FAM222A: variants seen among roughly 807,000 people sequenced by gnomAD.
The protein encoded by FAM222A is family with sequence similarity 222 member A, also known as protein FAM222A.
FAM222A carries 7 observed loss-of-function variants against 25.8 expected under a neutral mutation model. That is an observed-to-expected ratio of 0.27 (90% CI 0.15 to 0.51). FAM222A has a LOEUF of 0.51. Ranked by LOEUF, FAM222A falls within the 20% of genes least tolerant of loss-of-function variation. The pLI, the probability that FAM222A is intolerant of heterozygous loss-of-function variation, is 0.97. For missense variants in FAM222A, 573 were observed against 640.5 expected (o/e 0.89, Z 1.14); for synonymous variants, 294 against 298.8 (o/e 0.98, Z 0.17).
At chr12:109,732,505 G>A (rs1232209680) in intron 1 of FAM222A, among the ~76,000 whole-genome samples, 3 of 152,250 alleles carry the variant, frequency 2.0e-5, no homozygotes, top group Non-Finnish European at 4.4e-5. Context: ...CGGAGCAGCC[G>A]TTGTTCTGCA....
chr12:109,761,199 G>A (rs995157529), intron 2 of FAM222A, among the ~76,000 whole-genome samples: 5 of 152,200 alleles, frequency 3.3e-5, no homozygotes, highest in Non-Finnish European at 5.9e-5. Flanking sequence ...CAGAGTCCAC[G>A]AATTCCACCT....
chr12:109,755,051 C>T (rs1888680027), intron 2 of FAM222A, among the ~76,000 whole-genome samples: 1 of 152,162 alleles, frequency 6.6e-6, no homozygotes, highest in African/African-American at 2.4e-5. Flanking sequence ...AGTCCCATAT[C>T]AGGTGCATGA....
chr12:109,717,456 A>T (rs576252948), intron 1 of FAM222A, among the ~76,000 whole-genome samples: 1 of 152,342 alleles, frequency 6.6e-6, no homozygotes, highest in African/African-American at 2.4e-5. Context: ...CCTGAGGGTC[A>T]AAAAGCCCTA....
chr12:109,768,739 T>A lies in FAM222A; in HGVS notation c.810T>A (p.Ala270=). Reference sequence around the variant, plus strand: ...GAGCCACCCAAGCCTTGACGTTGGCTGGGGCCGCCAAGCCTGCAGGGTACG... The same window carrying A: ...GAGCCACCCAAGCCTTGACGTTGGCAGGGGCCGCCAAGCCTGCAGGGTACG... ...GQGATQALTL[A]GAAKPAGYAD... The change falls in exon 3 of 3, where the codon GCT becomes GCA. Residue 270 remains alanine (A), a synonymous_variant. Transcript: ENST00000538780. The A allele has an allele frequency of 6.3e-7, 1 of 1,578,500 alleles. No individual in the cohort carries two copies. The highest frequency in any genetic ancestry group is 1.1e-5 in the South Asian group (1 of 88,576).
chr12:109,760,502 A>C (rs535067545), intron 2 of FAM222A, among the ~76,000 whole-genome samples: 1 of 152,262 alleles, frequency 6.6e-6, no homozygotes, highest in South Asian at 2.1e-4. Flanking sequence ...CAGTGGTCTC[A>C]AACTGGCAGC....
chr12:109,719,209 C>T (rs1366449743), intron 1 of FAM222A, among the ~76,000 whole-genome samples: 4 of 152,210 alleles, frequency 2.6e-5, no homozygotes, highest in African/African-American at 7.2e-5. Flanking sequence ...CCAGAGTTTA[C>T]GTCATAACCC....
At chr12:109,723,740 C>T (rs949830311) in intron 1 of FAM222A, among the ~76,000 whole-genome samples, 2 of 152,238 alleles carry the variant, frequency 1.3e-5, no homozygotes, top group Non-Finnish European at 2.9e-5. Context: ...GCCCCAAGCC[C>T]AGAGCAGGTT....
At position 109,729,868 on chromosome 12, in the gene FAM222A, T is replaced by C. The variant is rs1456475943; in HGVS notation, c.-46-14233T>C. On this transcript the variant is annotated intron_variant, in intron 1 of 2. Transcript: ENST00000538780. ...AATTCATTGTGTGCCAAAATGCCAC[T>C]GCACCAATCTGTGAGGCAGATATAT... 2.6e-5 allele frequency among the ~76,000 whole-genome samples: 4 copies of C among 152,382 alleles called. No homozygotes were observed. The East Asian group carries it at 5.8e-4, about 22-fold the overall frequency.
At chr12:109,748,334 C>CTTTT (rs61492433) in intron 2 of FAM222A, among the ~76,000 whole-genome samples, 35 of 81,596 alleles carry the variant, frequency 4.3e-4, no homozygotes, top group Middle Eastern at 7.7e-3. Flanking sequence ...GGTTTTCTTT[C>CTTTT]TTTTTTTTTT....
chr12:109,723,977 C>G (rs1458989361), intron 1 of FAM222A, among the ~76,000 whole-genome samples: 1 of 152,002 alleles, frequency 6.6e-6, no homozygotes, highest in Non-Finnish European at 1.5e-5. Context: ...CCACAAACTA[C>G]AAAAGAAACA....
chr12:109,726,947 G>A (rs189298421), intron 1 of FAM222A, among the ~76,000 whole-genome samples: 7 of 152,184 alleles, frequency 4.6e-5, no homozygotes, highest in Non-Finnish European at 8.8e-5. Context: ...GTGTGCTATC[G>A]TCATGGTCCC....
At chr12:109,764,097 G>A (rs1888972447) in intron 2 of FAM222A, among the ~76,000 whole-genome samples, 1 of 151,980 alleles carries the variant, frequency 6.6e-6, no homozygotes, top group South Asian at 2.1e-4. Context: ...AGGTGTAGTG[G>A]CACACCCTTG....
At chr12:109,751,139 GT>G (rs2136358341) in intron 2 of FAM222A, among the ~76,000 whole-genome samples, 1 of 152,008 alleles carries the variant, frequency 6.6e-6, no homozygotes, top group South Asian at 2.1e-4. Context: ...CTCATTTTAT[GT>G]TGCTCACTTT....
Position 109,768,313 on chromosome 12 carries a change from C to T in FAM222A, c.384C>T (p.Ser128=), listed in dbSNP as rs751312956. 12 of 1,605,012 alleles carry T rather than the reference C, an allele frequency of 7.5e-6. No individual in the cohort carries two copies. The highest frequency in any genetic ancestry group is 6.7e-5 in the African/African-American group (5 of 74,786). The change falls in exon 3 of 3, where the codon AGC becomes AGT. Residue 128 remains serine (S), a synonymous_variant. Transcript: ENST00000538780. The stretch of plus-strand genomic sequence containing the variant: ...GGCCCGCCAAAAGTGTGCTCAAGAG[C>T]GCCGAGGGCAAGCGGACCAAGCTGT... ...PAGPAKSVLK[S]AEGKRTKLSP...
intron 2 of FAM222A, 92 bp downstream of exon 2, chr12:109,744,320 C>A: frequency 2.0e-6 from 3 of 1,489,186 alleles, no homozygotes; most frequent in Non-Finnish European, 1.8e-6. Context: ...ATGGCCCTGT[C>A]GGAAAGTCTC....
intron 1 of FAM222A, among the ~76,000 whole-genome samples, chr12:109,740,905 C>G (rs565683935): frequency 6.6e-6 from 1 of 152,294 alleles, no homozygotes; most frequent in Admixed American, 6.5e-5. Flanking sequence ...GGTCTGAAGA[C>G]AGATCTGAGT....
At chr12:109,749,424 G>A (rs1193929578) in intron 2 of FAM222A, among the ~76,000 whole-genome samples, 2 of 152,248 alleles carry the variant, frequency 1.3e-5, no homozygotes, top group East Asian at 1.9e-4. Context: ...TACTTCTAGG[G>A]TGGTGGTAGT....
At chr12:109,731,312 C>T (rs993814217) in intron 1 of FAM222A, among the ~76,000 whole-genome samples, 2 of 152,034 alleles carry the variant, frequency 1.3e-5, no homozygotes, top group Non-Finnish European at 1.5e-5. Context: ...CCAGCGCCTA[C>T]CCCAGGAGCG....
At chr12:109,743,510 C>T (rs970119977) in intron 1 of FAM222A, among the ~76,000 whole-genome samples, 1 of 152,212 alleles carries the variant, frequency 6.6e-6, no homozygotes, top group African/African-American at 2.4e-5. Context: ...TGGGGCTGGG[C>T]TCAGGGTGCA....
Sources: gnomAD v4.1 joint callset for allele counts (sites outside exome capture counted in the v4.1 genomes callset) on GRCh38, gnomAD v4.1.1 for gene constraint, MANE v1.5 for transcripts, NCBI Gene and HGNC (gene_info 2026-07-23, HGNC 2026-07-21) for gene names.